The following BBOX1 variants were observed in gnomAD, a reference collection of about 807,000 sequenced individuals.
BBOX1 encodes gamma-butyrobetaine dioxygenase.
In BBOX1, 35 loss-of-function variants were observed where a neutral mutation model predicts 41.6. That is an observed-to-expected ratio of 0.84 (90% CI 0.64 to 1.11). BBOX1 has a LOEUF of 1.11. BBOX1 is among the 50% of genes most tolerant of loss of function. The pLI, the probability that BBOX1 is intolerant of heterozygous loss-of-function variation, is 0.00. For missense variants in BBOX1, 458 were observed against 460.6 expected, an observed-to-expected ratio of 0.99 and a Z score of 0.05; for synonymous variants, 163 against 154.7, an observed-to-expected ratio of 1.05 and a Z score of -0.40.
chr11:27,048,282 C>T (rs1396175538), intron 2 of BBOX1, among the ~76,000 whole-genome samples: 1 of 152,092 alleles, frequency 6.6e-6, no homozygotes, highest in African/African-American at 2.4e-5. Context: ...CAGGCCCTGG[C>T]ACCCACTGTT....
intron 4 of BBOX1, among the ~76,000 whole-genome samples, chr11:27,069,169 C>T (rs898660012): frequency 5.9e-5 from 9 of 151,810 alleles, no homozygotes; most frequent in Non-Finnish European, 1.2e-4. Context: ...TTGCTTTGGG[C>T]AATGTGGTCA....
At chr11:27,063,962 G>A (rs1402080080) in intron 4 of BBOX1, among the ~76,000 whole-genome samples, 1 of 152,152 alleles carries the variant, frequency 6.6e-6, no homozygotes, top group Admixed American at 6.6e-5. Flanking sequence ...TTGGTGCAGA[G>A]GCCATTTTTA....
chr11:27,096,612 T>C (rs1858448633), intron 5 of BBOX1, among the ~76,000 whole-genome samples: 1 of 151,966 alleles, frequency 6.6e-6, no homozygotes, highest in South Asian at 2.1e-4. Context: ...GGGTTATTAG[T>C]TTCAAAAATG....
At chr11:27,080,035 T>C (rs1320730864) in intron 4 of BBOX1, among the ~76,000 whole-genome samples, 2 of 152,070 alleles carry the variant, frequency 1.3e-5, no homozygotes, top group African/African-American at 4.8e-5. Flanking sequence ...TCCTGCTCTT[T>C]CTTTTTAAAA....
In BBOX1 at chr11:27,095,497, T is replaced by TTTA. The variant is rs372606168; in HGVS notation, c.533+2131_533+2132insTTA. 7.9e-4 allele frequency among the ~76,000 whole-genome samples: 120 copies of TTTA among 152,120 alleles called. 2 individuals are homozygous for TTTA. The highest frequency in any genetic ancestry group is 2.8e-3 in the African/African-American group (118 of 41,548). ...TGTCAAAACAAATCAGAACTCCTAC[T>TTTA]ACCATTCCATGTCCCTTATGGGCCT... On this transcript the variant is annotated intron_variant, in intron 5 of 8. Coordinates refer to ENST00000263182, the MANE Select transcript of BBOX1 (RefSeq NM_003986.3).
Position 27,055,447 on chromosome 11 carries a change from A to C in BBOX1, c.17A>C (p.Gln6Pro). 1 of 1,613,720 alleles carries C rather than the reference A, an allele frequency of 6.2e-7. No individual in the cohort carries two copies. The highest frequency in any genetic ancestry group is 8.5e-7 in the Non-Finnish European group (1 of 1,180,012). The change falls in exon 3 of 9, where the codon CAA becomes CCA. Residue 6 changes from glutamine (Q) to proline (P), a missense_variant. Gln to Pro is a moderately conservative substitution (Grantham distance 76). Transcript: ENST00000263182. ...ACCGGAAACATGGCTTGTACCATCC[A>C]AAAGGCAGAAGCACTTGACGGGGCT... MACTI[Q>P]KAEALDGAHL...
In BBOX1 at chr11:27,066,914, T is replaced by C. The variant is rs370749680; in HGVS notation, c.334+9599T>C. On this transcript the variant is annotated intron_variant, in intron 4 of 8. Coordinates refer to ENST00000263182, the MANE Select transcript of BBOX1 (RefSeq NM_003986.3). ...TTATATTTTTCTCAATCAGTAACTT[T>C]GTTATTAATCAATAAGAAAGTAGGG... is the stretch of plus-strand genomic sequence containing the variant. 1.2e-4 allele frequency among the ~76,000 whole-genome samples: 18 copies of C among 152,286 alleles called. No individual in the cohort carries two copies. The East Asian group carries it at 3.1e-3, about 26-fold the overall frequency.
At chr11:27,046,638 T>G (rs1015723885) in intron 2 of BBOX1, among the ~76,000 whole-genome samples, 1 of 152,142 alleles carries the variant, frequency 6.6e-6, no homozygotes, top group African/African-American at 2.4e-5. Context: ...AAATAAGAAT[T>G]TTTGTTTTAT....
At chr11:27,071,103 G>T (rs572959882) in intron 4 of BBOX1, among the ~76,000 whole-genome samples, 1 of 152,036 alleles carries the variant, frequency 6.6e-6, no homozygotes, top group East Asian at 1.9e-4. Context: ...GGTCAGGTGC[G>T]GTGGCTCATG....
chr11:27,052,552 T>A (rs1348655), intron 2 of BBOX1, among the ~76,000 whole-genome samples: 2 of 151,788 alleles, frequency 1.3e-5, no homozygotes, highest in Non-Finnish European at 2.9e-5. Context: ...CCTCATAGCC[T>A]TTTGTTCCAG....
chr11:27,099,055 A>G (rs1364072354), intron 5 of BBOX1, among the ~76,000 whole-genome samples: 2 of 151,944 alleles, frequency 1.3e-5, no homozygotes, highest in South Asian at 4.2e-4. Flanking sequence ...GCTAAGTAAG[A>G]TATTGTAGAC....
rs1052395043 is a variant in BBOX1 at position 27,113,969 on chromosome 11, T to C, written c.534-1483T>C. On this transcript the variant is annotated intron_variant, in intron 5 of 8. Transcript: ENST00000263182. Reference sequence around the variant, plus strand: ...AGAAATAAAAAAGTAAATCTATCTCTATTCACAGATGGTATGATCTTACAT... The same window carrying C: ...AGAAATAAAAAAGTAAATCTATCTCCATTCACAGATGGTATGATCTTACAT... Among the ~76,000 whole-genome samples, 3 of 151,750 alleles carry C rather than the reference T, an allele frequency of 2.0e-5. No individual in the cohort carries two copies. In the Admixed American group the frequency reaches 2.0e-4, roughly 10 times the overall value.
chr11:27,089,034 A>G (rs1246047441), intron 4 of BBOX1, among the ~76,000 whole-genome samples: 1 of 151,962 alleles, frequency 6.6e-6, no homozygotes, highest in East Asian at 1.9e-4. Context: ...TCTATTTTAT[A>G]AAAGAGTGAG....
chr11:27,085,578 T>C (rs894891460), intron 4 of BBOX1, among the ~76,000 whole-genome samples: 2 of 150,828 alleles, frequency 1.3e-5, no homozygotes, highest in Non-Finnish European at 1.5e-5. Context: ...TCTCTCTCTC[T>C]CTCTCTCTCT....
intron 5 of BBOX1, among the ~76,000 whole-genome samples, chr11:27,112,568 T>C (rs1275849307): frequency 3.3e-5 from 5 of 151,984 alleles, no homozygotes; most frequent in African/African-American, 1.2e-4. Context: ...GGACTCCTTA[T>C]TCAATAAATG....
chr11:27,079,786 T>TA (rs1857770070), intron 4 of BBOX1, among the ~76,000 whole-genome samples: 1 of 152,138 alleles, frequency 6.6e-6, no homozygotes, highest in African/African-American at 2.4e-5. Context: ...CTGCTCCACA[T>TA]ACAGCATTTT....
At chr11:27,049,013 T>C (rs564236978) in intron 2 of BBOX1, among the ~76,000 whole-genome samples, 3 of 151,288 alleles carry the variant, frequency 2.0e-5, no homozygotes, top group Admixed American at 2.0e-4. Flanking sequence ...TTTTTTGTTC[T>C]TGTGATAGTT....
At position 27,055,654 on chromosome 11, in the gene BBOX1, T is replaced by C. The variant is rs1196931066; in HGVS notation, c.219+5T>C. ...TTGATATTTGACAGAAAAAAGGTAATTATCTCTAAATTATGTCTCCCTTCT... is the reference window on the plus strand; with the variant it reads ...TTGATATTTGACAGAAAAAAGGTAACTATCTCTAAATTATGTCTCCCTTCT... On this transcript the variant is annotated splice_donor_5th_base_variant and intron_variant, in intron 3 of 8. Coordinates refer to ENST00000263182, the MANE Select transcript of BBOX1 (RefSeq NM_003986.3). 1.2e-6 allele frequency: 2 copies of C among 1,604,026 alleles called. No individual in the cohort carries two copies. Among genetic ancestry groups the C allele is most frequent in the Non-Finnish European group, 1.7e-6 (2 of 1,171,372 alleles).
At chr11:27,126,916 C>T (rs1430149357) in intron 8 of BBOX1, among the ~76,000 whole-genome samples, 2 of 152,064 alleles carry the variant, frequency 1.3e-5, no homozygotes, top group Admixed American at 1.3e-4. Context: ...CCTCGTGATC[C>T]GCCCACCTCG....
Sources: allele counts gnomAD v4.1 joint callset (sites outside exome capture counted in the v4.1 genomes callset), GRCh38; gene constraint gnomAD v4.1.1; transcripts MANE v1.5; gene names NCBI Gene and HGNC (gene_info 2026-07-23, HGNC 2026-07-21).